Variants in NXPE4 observed in about 807,000 individuals in gnomAD.
NXPE4 encodes the protein NXPE family member 4.
NXPE4 carries 42 observed loss-of-function variants against 33.3 expected under a neutral mutation model. That is an observed-to-expected ratio of 1.26 (90% CI 0.98 to 1.63). The LOEUF is 1.63. Among genes scored for constraint, NXPE4 ranks in the 40% most tolerant of loss-of-function variants. NXPE4 has a pLI of 0.00. For missense variants in NXPE4, 709 were observed against 647.6 expected, an observed-to-expected ratio of 1.09 and a Z score of -1.03; for synonymous variants, 253 against 234.9, an observed-to-expected ratio of 1.08 and a Z score of -0.71.
chr11:114,629,306 A>T, the NXPE4 span, among the ~76,000 whole-genome samples: 3 of 152,220 alleles, frequency 2.0e-5, no homozygotes, highest in African/African-American at 7.2e-5. Flanking sequence ...GCAGCACATC[A>T]AAAAGCTTAT....
At chr11:114,663,586 C>CATCTATCT in the NXPE4 span, among the ~76,000 whole-genome samples, 4,446 of 132,872 alleles carry the variant, frequency 0.033, 102 homozygotes, top group African/African-American at 0.042. Context: ...CTCTATCTAT[C>CATCTATCT]ATCTATCTAT....
chr11:114,669,031 A>C, the NXPE4 span, among the ~76,000 whole-genome samples: 19 of 152,048 alleles, frequency 1.2e-4, no homozygotes, highest in African/African-American at 4.6e-4. Flanking sequence ...GCTTGCTGAA[A>C]GTGGAAGAGA....
At chr11:114,660,607 T>A in the NXPE4 span, among the ~76,000 whole-genome samples, 1 of 151,470 alleles carries the variant, frequency 6.6e-6, no homozygotes, top group Non-Finnish European at 1.5e-5. Flanking sequence ...TGGAAAGGAG[T>A]TTTCTTAACT....
At position 114,582,412 on chromosome 11, in the gene NXPE4, T is replaced by C. The variant is rs1329949367; in HGVS notation, c.706A>G (p.Arg236Gly). 1 of 1,614,090 alleles carries C rather than the reference T, an allele frequency of 6.2e-7. No individual in the cohort carries two copies. The highest frequency in any genetic ancestry group is 2.2e-5 in the East Asian group (1 of 44,900). Residue 236 changes from arginine to glycine, a missense_variant, in exon 3 of 6, where the codon AGA becomes GGA. By Grantham distance (125) the Arg-to-Gly change is moderately radical (BLOSUM62 -2). Transcript: ENST00000375478. ...ACACAGTAGAAGCCTTCTTGGTCTC[T>C]GTTGTCCAGGTACTGGCACAATTCA... is the stretch of plus-strand genomic sequence containing the variant. ...NAELCQYLDN[R>G]DQEGFYCVRP...
At chr11:114,656,562 G>A in the NXPE4 span, among the ~76,000 whole-genome samples, 1 of 152,020 alleles carries the variant, frequency 6.6e-6, no homozygotes, top group Non-Finnish European at 1.5e-5. Flanking sequence ...TCAAAGAGAT[G>A]TTGTGATAAG....
chr11:114,595,092 A>G (rs1949550301), intron 1 of NXPE4, among the ~76,000 whole-genome samples: 1 of 152,168 alleles, frequency 6.6e-6, no homozygotes, highest in Non-Finnish European at 1.5e-5. Flanking sequence ...GTCACCTATC[A>G]GGTTCCCTGT....
the NXPE4 span, among the ~76,000 whole-genome samples, chr11:114,646,873 G>C: frequency 6.6e-6 from 1 of 152,126 alleles, no homozygotes; most frequent in Non-Finnish European, 1.5e-5. Context: ...AAAAAACAGA[G>C]CAAAGGAACT....
chr11:114,639,463 C>A, the NXPE4 span, among the ~76,000 whole-genome samples: 3 of 151,506 alleles, frequency 2.0e-5, no homozygotes, highest in Admixed American at 2.0e-4. Flanking sequence ...ATGCACGCTG[C>A]GCTGCCCCCA....
At chr11:114,633,162 A>C in the NXPE4 span, among the ~76,000 whole-genome samples, 2 of 127,014 alleles carry the variant, frequency 1.6e-5, no homozygotes, top group Non-Finnish European at 3.1e-5. Flanking sequence ...TTGGTATTTT[A>C]TTTTATATAA....
the NXPE4 span, among the ~76,000 whole-genome samples, chr11:114,657,773 C>T: frequency 1.6e-4 from 24 of 152,226 alleles, no homozygotes; most frequent in Admixed American, 3.9e-4. Flanking sequence ...TGATTTAGCA[C>T]TTACCATTAT....
chr11:114,676,271 T>A, the NXPE4 span, among the ~76,000 whole-genome samples: 2 of 151,668 alleles, frequency 1.3e-5, no homozygotes, highest in Admixed American at 6.6e-5. Context: ...ACATCAAACT[T>A]AAAAGCTTCT....
At chr11:114,587,872 T>C (rs1949344194) in intron 2 of NXPE4, among the ~76,000 whole-genome samples, 1 of 152,198 alleles carries the variant, frequency 6.6e-6, no homozygotes, top group African/African-American at 2.4e-5. Flanking sequence ...TCATTTTCTT[T>C]TGCATAAGGG....
chr11:114,645,245 G>A, the NXPE4 span, among the ~76,000 whole-genome samples: 2 of 152,066 alleles, frequency 1.3e-5, no homozygotes, highest in Non-Finnish European at 2.9e-5. Context: ...AAGCTGCAGT[G>A]AGCTGAGATC....
the NXPE4 span, among the ~76,000 whole-genome samples, chr11:114,672,665 G>A: frequency 1.3e-5 from 2 of 151,812 alleles, no homozygotes; most frequent in Admixed American, 1.3e-4. Context: ...TATGAAAGAT[G>A]AGGTGGACAA....
At chr11:114,633,465 A>G in the NXPE4 span, among the ~76,000 whole-genome samples, 1 of 145,704 alleles carries the variant, frequency 6.9e-6, no homozygotes, top group Non-Finnish European at 1.5e-5. Context: ...TCTTTTTTTT[A>G]TTTTAGTATT....
the NXPE4 span, among the ~76,000 whole-genome samples, chr11:114,648,413 C>A: frequency 1.3e-5 from 2 of 152,278 alleles, no homozygotes; most frequent in Admixed American, 1.3e-4. Context: ...CTCTCTTACT[C>A]AGCGGAGGGT....
intron 5 of NXPE4, among the ~76,000 whole-genome samples, chr11:114,573,119 G>A (rs2014621): frequency 0.21 from 31,191 of 151,922 alleles, 4,201 homozygotes; most frequent in African/African-American, 0.37. Flanking sequence ...ACTAAGCTTC[G>A]TAAATGAAGA....
intron 2 of NXPE4, among the ~76,000 whole-genome samples, chr11:114,589,193 C>T (rs548586459): frequency 6.6e-6 from 1 of 152,280 alleles, no homozygotes; most frequent in East Asian, 1.9e-4. Context: ...GGTGATCAGA[C>T]TGCCCCCAGA....
chr11:114,658,809 C>G, the NXPE4 span, among the ~76,000 whole-genome samples: 2 of 151,910 alleles, frequency 1.3e-5, no homozygotes, highest in Non-Finnish European at 2.9e-5. Flanking sequence ...CAAAATAACA[C>G]GAACAGAAGA....
Sources: gnomAD v4.1 joint callset for allele counts (sites outside exome capture counted in the v4.1 genomes callset) on GRCh38, gnomAD v4.1.1 for gene constraint, MANE v1.5 for transcripts, NCBI Gene and HGNC (gene_info 2026-07-23, HGNC 2026-07-21) for gene names.